The following ZNF385D variants were observed in gnomAD, a reference collection of about 807,000 sequenced individuals.
The protein encoded by ZNF385D is zinc finger protein 385D.
In ZNF385D, 15 loss-of-function variants were observed where a neutral mutation model predicts 35.8. The ratio of observed to expected loss-of-function variants is 0.42; its 90% confidence interval spans 0.28 to 0.64. ZNF385D has a LOEUF of 0.64. Ranked by LOEUF, ZNF385D falls within the 30% of genes least tolerant of loss-of-function variation. ZNF385D has a pLI of 0.23. For missense variants in ZNF385D, 474 were observed against 494.6 expected (o/e 0.96, Z 0.39); for synonymous variants, 212 against 186.8 (o/e 1.13, Z -1.10).
chr3:21,837,280 C>G (rs1695390096), intron 3 of ZNF385D, among the ~76,000 whole-genome samples: 1 of 152,130 alleles, frequency 6.6e-6, no homozygotes. Context: ...AATTTAGTGT[C>G]TTCAAACAAC....
intron 4 of ZNF385D, among the ~76,000 whole-genome samples, chr3:21,462,809 C>T (rs1337649158): frequency 6.6e-6 from 1 of 152,052 alleles, no homozygotes; most frequent in Non-Finnish European, 1.5e-5. Flanking sequence ...TGGTGAAACC[C>T]CGTCTCTACT....
intron 4 of ZNF385D, among the ~76,000 whole-genome samples, chr3:21,444,042 C>A (rs150723194): frequency 6.6e-6 from 1 of 151,170 alleles, no homozygotes; most frequent in African/African-American, 2.4e-5. Context: ...AAGGCAGAAG[C>A]AGAGCCCATT....
intron 3 of ZNF385D, among the ~76,000 whole-genome samples, chr3:22,001,891 A>T (rs1010395574): frequency 2.0e-5 from 3 of 152,114 alleles, no homozygotes; most frequent in African/African-American, 4.8e-5. Context: ...AAAATTATTG[A>T]AACAAATTAA....
At chr3:21,964,091 C>G (rs1237037196) in intron 3 of ZNF385D, among the ~76,000 whole-genome samples, 1 of 152,032 alleles carries the variant, frequency 6.6e-6, no homozygotes, top group African/African-American at 2.4e-5. Flanking sequence ...TCATTTCCTA[C>G]TTAACCCTTC....
intron 3 of ZNF385D, among the ~76,000 whole-genome samples, chr3:22,066,821 A>G (rs1319539454): frequency 1.3e-5 from 2 of 152,182 alleles, no homozygotes; most frequent in African/African-American, 4.8e-5. Flanking sequence ...AAGCCACATG[A>G]AAAAGAAATT....
rs551723831 is a variant in ZNF385D, at chr3:22,273,761, A to G, written c.106+98689T>C. ...CAGGAAGTTGAATACGCAAATGGCA[A>G]AACTATTCCACAGGATGAGGAGGGA... On this transcript the variant is annotated intron_variant, in intron 2 of 5. Transcript: ENST00000494108. Among the ~76,000 whole-genome samples the G allele has an allele frequency of 3.6e-4, 55 of 152,150 alleles. No homozygotes were observed. In the East Asian group the frequency reaches 0.01, roughly 29 times the overall value.
chr3:21,541,770 A>T (rs1270514945), intron 3 of ZNF385D, among the ~76,000 whole-genome samples: 2 of 152,188 alleles, frequency 1.3e-5, no homozygotes, highest in Non-Finnish European at 2.9e-5. Flanking sequence ...AGCAAATTTT[A>T]TCTTTGAGAT....
At chr3:21,902,783 A>G (rs1372859892) in intron 3 of ZNF385D, among the ~76,000 whole-genome samples, 1 of 152,202 alleles carries the variant, frequency 6.6e-6, no homozygotes, top group Non-Finnish European at 1.5e-5. Flanking sequence ...TGTCACATGT[A>G]TACATATGCA....
chr3:22,209,762 CA>C (rs1488036840), intron 2 of ZNF385D, among the ~76,000 whole-genome samples: 1 of 59,314 alleles, frequency 1.7e-5, no homozygotes, highest in South Asian at 7.0e-4. Flanking sequence ...AAAGAACAAT[CA>C]TTTTTTTTTT....
intron 2 of ZNF385D, among the ~76,000 whole-genome samples, chr3:22,202,766 T>A (rs759424235): frequency 3.3e-5 from 5 of 152,080 alleles, no homozygotes; most frequent in African/African-American, 9.6e-5. Flanking sequence ...GCACATTGAA[T>A]GTGGGACTTT....
rs142602882 is a variant in ZNF385D, at chr3:22,018,764, A to G, written c.325+150053T>C. On this transcript the variant is annotated intron_variant, in intron 3 of 5. Coordinates refer to the ZNF385D transcript ENST00000494108. ...TATATTTTACCAAAGATTCCTATGT[A>G]CATTGGGTTGTGAAAGTAACCCTAC... Among the ~76,000 whole-genome samples the G allele has an allele frequency of 6.1e-3, 926 of 152,100 alleles. 10 individuals carry two copies. Among genetic ancestry groups the G allele is most frequent in the African/African-American group, 0.021 (853 of 41,524 alleles).
At chr3:22,126,989 G>A (rs1703469955) in intron 3 of ZNF385D, among the ~76,000 whole-genome samples, 1 of 152,036 alleles carries the variant, frequency 6.6e-6, no homozygotes, top group South Asian at 2.1e-4. Context: ...TGCAAGTATA[G>A]TTATTCCTGT....
intron 1 of ZNF385D, among the ~76,000 whole-genome samples, chr3:21,720,218 G>C (rs1015497896): frequency 6.6e-6 from 1 of 152,164 alleles, no homozygotes; most frequent in Non-Finnish European, 1.5e-5. Context: ...CTATTCTTAA[G>C]TATAGTCCCT....
chr3:21,582,477 T>C (rs890091306), intron 2 of ZNF385D, among the ~76,000 whole-genome samples: 3 of 152,168 alleles, frequency 2.0e-5, no homozygotes, highest in Non-Finnish European at 2.9e-5. Context: ...TTTTCTCTAC[T>C]CTGCCTATTT....
intron 3 of ZNF385D, among the ~76,000 whole-genome samples, chr3:21,946,749 T>G (rs922671801): frequency 3.3e-5 from 5 of 152,184 alleles, no homozygotes; most frequent in Non-Finnish European, 7.3e-5. Context: ...GGAGAAACAC[T>G]TGAACCCAAG....
chr3:21,674,980 A>G (rs1164752731), intron 1 of ZNF385D, among the ~76,000 whole-genome samples: 1 of 152,000 alleles, frequency 6.6e-6, no homozygotes, highest in African/African-American at 2.4e-5. Flanking sequence ...AAATGAATAC[A>G]TGAAGCTGAA....
At chr3:22,016,397 A>G (rs1696887775) in intron 3 of ZNF385D, among the ~76,000 whole-genome samples, 1 of 152,102 alleles carries the variant, frequency 6.6e-6, no homozygotes, top group African/African-American at 2.4e-5. Flanking sequence ...CATTCTATGT[A>G]CTTAGTATCC....
At chr3:21,838,292 A>T (rs116772091) in intron 3 of ZNF385D, among the ~76,000 whole-genome samples, 1,832 of 152,222 alleles carry the variant, frequency 0.012, 38 homozygotes, top group African/African-American at 0.042. Flanking sequence ...TATGTAAGGG[A>T]AAGTTTTCAA....
chr3:22,370,741 CA>C lies in ZNF385D; in HGVS notation c.106+1708del, dbSNP rs796475724. Among the ~76,000 whole-genome samples, 81 of 152,292 alleles carry C rather than the reference CA, an allele frequency of 5.3e-4. 1 individual carries two copies. The highest frequency in any genetic ancestry group is 1.9e-3 in the African/African-American group (78 of 41,538). On this transcript the variant is annotated intron_variant, in intron 2 of 5. Transcript: ENST00000494108. Reference sequence around the variant, plus strand: ...CTTGTCTACGGAATGGAGATGGTAACAACGCCACCTTCTTGGGATTGTTAGG... The same window carrying C: ...CTTGTCTACGGAATGGAGATGGTAACACGCCACCTTCTTGGGATTGTTAGG...
Sources: gnomAD v4.1 joint callset for allele counts (sites outside exome capture counted in the v4.1 genomes callset) on GRCh38, gnomAD v4.1.1 for gene constraint, MANE v1.5 for transcripts, NCBI Gene and HGNC (gene_info 2026-07-23, HGNC 2026-07-21) for gene names.